Variants in THBD observed in about 807,000 individuals in gnomAD.
The protein encoded by THBD is thrombomodulin.
For synonymous variants in THBD, 449 were observed against 374.2 expected, an observed-to-expected ratio of 1.20 and a Z score of -2.31; for missense variants, 850 against 816.9, an observed-to-expected ratio of 1.04 and a Z score of -0.49.
chr20:23,047,970 A>G lies in THBD; in HGVS notation c.1535T>C (p.Leu512Pro). The G allele has an allele frequency of 6.2e-7, 1 of 1,609,480 alleles. No homozygotes were observed. Among genetic ancestry groups the G allele is most frequent in the South Asian group, 1.1e-5 (1 of 90,432 alleles). The change falls in exon 1 of 1, where the codon CTC (leucine) becomes CCC (proline). Residue 512 changes from leucine to proline, a missense_variant. Physicochemically the swap from Leu to Pro is moderately conservative, Grantham distance 98. Coordinates refer to ENST00000377103, the MANE Select transcript of THBD (RefSeq NM_000361.3). Reference sequence around the variant, plus strand: ...GCCTATGAGCAAGCCCGAATGCACGAGCCCCACGGCCGGAGGAGTCAAGGT... The same window carrying G: ...GCCTATGAGCAAGCCCGAATGCACGGGCCCCACGGCCGGAGGAGTCAAGGT... ...GSTLTPPAVG[L>P]VHSGLLIGIS...
rs1490901304 is a variant in THBD, at chr20:23,049,627, C to T, written c.-123G>A. ...CCTCTCCTGTCCGTCCCAGCCCAGA[C>T]ACTTCTTGCCGCTGCGCGCAGCCCC... On this transcript the variant is annotated 5_prime_UTR_variant, in exon 1 of 1. Coordinates refer to ENST00000377103, the MANE Select transcript of THBD (RefSeq NM_000361.3). 7.5e-7 allele frequency: 1 copy of T among 1,339,344 alleles called. No individual in the cohort carries two copies. The highest frequency in any genetic ancestry group is 1.3e-5 in the South Asian group (1 of 78,604). 83.0% of individuals were successfully genotyped at this position (1,339,344 alleles called of 1,614,324 possible).
chr20:23,045,957 G>A lies in THBD; in HGVS notation c.*1820C>T, dbSNP rs557474793. The A allele has an allele frequency of 1.3e-5, 2 of 152,270 alleles. No individual in the cohort carries two copies. The highest frequency in any genetic ancestry group is 1.9e-4 in the East Asian group (1 of 5,178). 9.4% of individuals were successfully genotyped at this position (152,270 alleles called of 1,614,324 possible). Reference sequence around the variant, plus strand: ...CCCCATTTAATGACATAAAATGAGGGCACTGAGGGAGGAAAAGTGAACAGA... The same window carrying A: ...CCCCATTTAATGACATAAAATGAGGACACTGAGGGAGGAAAAGTGAACAGA... On this transcript the variant is annotated 3_prime_UTR_variant, in exon 1 of 1. Coordinates refer to ENST00000377103, the MANE Select transcript of THBD (RefSeq NM_000361.3).
In THBD at chr20:23,049,481, G is replaced by C; in HGVS notation, c.24C>G (p.Gly8=). 2 of 1,541,268 alleles carry C rather than the reference G, an allele frequency of 1.3e-6. No homozygotes were observed. Among genetic ancestry groups the C allele is most frequent in the Non-Finnish European group, 1.7e-6 (2 of 1,144,046 alleles). MLGVLVL[G]ALALAGLGFP... is the part of the protein sequence containing the mutation. ...ACCCCAGGCCGGCCAGGGCCAGCGC[G>C]CCAAGGACCAGGACCCCAAGCATGT... The change falls in exon 1 of 1, where the codon GGC becomes GGG. Residue 8 remains glycine (G), a synonymous_variant. Transcript: ENST00000377103.
chr20:23,048,018 G>T lies in THBD; in HGVS notation c.1487C>A (p.Pro496Gln), dbSNP rs764845888. The T allele has an allele frequency of 1.9e-6, 3 of 1,609,648 alleles. No individual in the cohort carries two copies. Among genetic ancestry groups the T allele is most frequent in the East Asian group, 2.2e-5 (1 of 44,696 alleles). ...DGGDSGSGEP[P>Q]PSPTPGSTLT... ...GGTGGAGCCGGGCGTCGGGCTGGGC[G>T]GGGGCTCGCCAGAGCCGCTGTCGCC... Residue 496 changes from proline to glutamine, a missense_variant, in exon 1 of 1, where the codon CCG becomes CAG. Transcript: ENST00000377103.
At position 23,048,824 on chromosome 20, in the gene THBD, C is replaced by T. The variant is rs562719364; in HGVS notation, c.681G>A (p.Pro227=). The T allele has an allele frequency of 3.1e-5, 47 of 1,514,832 alleles. No homozygotes were observed. The highest frequency in any genetic ancestry group is 3.9e-5 in the Non-Finnish European group (44 of 1,136,154). The allele number at this position is 1,514,832 out of a possible 1,614,324, so 93.8% of individuals were successfully genotyped here. A position where few individuals can be genotyped will look rare whatever the true frequency, so the allele number is the denominator to read the frequency against. Residue 227 remains proline, a synonymous_variant, in exon 1 of 1, where the codon CCG becomes CCA. Coordinates refer to ENST00000377103, the MANE Select transcript of THBD (RefSeq NM_000361.3). ...PLGLQLMCTA[P]PGAVQGHWAR... is the part of the protein sequence containing the mutation. Reference sequence around the variant, plus strand: ...CCCAGTGCCCCTGGACCGCTCCGGGCGGCGCGGTGCACATTAGCTGTAAGC... The same window carrying T: ...CCCAGTGCCCCTGGACCGCTCCGGGTGGCGCGGTGCACATTAGCTGTAAGC...
chr20:23,049,306 C>G lies in THBD; in HGVS notation c.199G>C (p.Ala67Pro), dbSNP rs2122673043. 2 of 1,592,428 alleles carry G rather than the reference C, an allele frequency of 1.3e-6. No homozygotes were observed. Among genetic ancestry groups the G allele is most frequent in the Non-Finnish European group, 8.5e-7 (1 of 1,171,340 alleles). The change falls in exon 1 of 1, where the codon GCT becomes CCT. Residue 67 changes from alanine to proline, a missense_variant. Ala to Pro is a conservative substitution (Grantham distance 27, BLOSUM62 -1). Coordinates refer to ENST00000377103, the MANE Select transcript of THBD (RefSeq NM_000361.3). ...GHLMTVRSSVAADVISLLLNG... is the reference protein window; with the variant it reads ...GHLMTVRSSVPADVISLLLNG... ...AGTAGCAAGGAAATGACATCGGCAGCCACCGAGGAGCGCACTGTCATTAGG... is the reference window on the plus strand; with the variant it reads ...AGTAGCAAGGAAATGACATCGGCAGGCACCGAGGAGCGCACTGTCATTAGG...
At position 23,047,680 on chromosome 20, in the gene THBD, C is replaced by G. The variant is rs1984606182; in HGVS notation, c.*97G>C. The G allele has an allele frequency of 2.1e-6, 3 of 1,441,756 alleles. No homozygotes were observed. In the Admixed American group the frequency reaches 6.5e-5, roughly 31 times the overall value. 89.3% of individuals were successfully genotyped at this position (1,441,756 alleles called of 1,614,324 possible). A position where few individuals can be genotyped will look rare whatever the true frequency, so the allele number is the denominator to read the frequency against. ...GCTTGGGGGGTGCGGGGAGGGTCTTCTCCAGCTGTAATGCCAGCTAAGGTG... is the reference window on the plus strand; with the variant it reads ...GCTTGGGGGGTGCGGGGAGGGTCTTGTCCAGCTGTAATGCCAGCTAAGGTG... On this transcript the variant is annotated 3_prime_UTR_variant, in exon 1 of 1. Transcript: ENST00000377103.
rs756102720 is a variant in THBD, at chr20:23,047,913, G to T, written c.1592C>A (p.Ala531Glu). The T allele has an allele frequency of 3.1e-6, 5 of 1,609,540 alleles. No individual in the cohort carries two copies. The East Asian group carries it at 8.9e-5, about 29-fold the overall frequency. ...ISIASLCLVV[A>E]LLALLCHLRK... ...CAGGTGGCAGAGGAGCGCCAAAAGC[G>T]CCACCACCAGGCACAGGCTCGCGAT... The change falls in exon 1 of 1, where the codon GCG (alanine) becomes GAG (glutamate). Residue 531 changes from alanine to glutamate, a missense_variant. Physicochemically the swap from Ala to Glu is moderately radical, Grantham distance 107 (BLOSUM62 -1). Transcript: ENST00000377103.
Position 23,048,455 on chromosome 20 carries a change from G to C in THBD, c.1050C>G (p.His350Gln), listed in dbSNP as rs1321823412. 6.2e-7 allele frequency: 1 copy of C among 1,613,362 alleles called. No individual in the cohort carries two copies. Among genetic ancestry groups the C allele is most frequent in the Non-Finnish European group, 8.5e-7 (1 of 1,180,042 alleles). The change falls in exon 1 of 1, where the codon CAC becomes CAG. Residue 350 changes from histidine (H) to glutamine (Q), a missense_variant. By Grantham distance (24) the His-to-Gln change is conservative (BLOSUM62 0). Transcript: ENST00000377103. ...CVNTQGGFEC[H>Q]CYPNYDLVDG... ...CCACCAGGTCGTAGTTAGGGTAGCAGTGGCACTCGAAGCCACCCTGTGTGT... is the reference window on the plus strand; with the variant it reads ...CCACCAGGTCGTAGTTAGGGTAGCACTGGCACTCGAAGCCACCCTGTGTGT...
rs1169981839 is a variant in THBD, at chr20:23,047,706, C to T, written c.*71G>A. The T allele has an allele frequency of 7.9e-6, 12 of 1,510,600 alleles. No homozygotes were observed. The highest frequency in any genetic ancestry group is 7.1e-6 in the Non-Finnish European group (8 of 1,126,634). The allele number at this position is 1,510,600 out of a possible 1,614,324, so 93.6% of individuals were successfully genotyped here. A position where few individuals can be genotyped will look rare whatever the true frequency, so the allele number is the denominator to read the frequency against. On this transcript the variant is annotated 3_prime_UTR_variant, in exon 1 of 1. Coordinates refer to ENST00000377103, the MANE Select transcript of THBD (RefSeq NM_000361.3). ...TCCAGCTGTAATGCCAGCTAAGGTG[C>T]TTTGGTAGCAAAGCTGGGGGTGAGG...
rs879414468 is a variant in THBD at position 23,049,248 on chromosome 20, A to G, written c.257T>C (p.Leu86Pro). 1 of 1,545,382 alleles carries G rather than the reference A, an allele frequency of 6.5e-7. No homozygotes were observed. The highest frequency in any genetic ancestry group is 2.1e-5 in the Admixed American group (1 of 48,732). The change falls in exon 1 of 1, where the codon CTC becomes CCC. Residue 86 changes from leucine (L) to proline (P), a missense_variant. By Grantham distance (98) the Leu-to-Pro change is moderately conservative. Coordinates refer to ENST00000377103, the MANE Select transcript of THBD (RefSeq NM_000361.3). The part of the protein sequence containing the change: ...NGDGGVGRRR[L>P]WIGLQLPPGC... ...GGGTGGCAGCTGCAGGCCGATCCAG[A>G]GGCGCCGGCGGCCAACGCCGCCGTC...
chr20:23,048,094 C>T lies in THBD; in HGVS notation c.1411G>A (p.Ala471Thr), dbSNP rs752252782. The T allele has an allele frequency of 1.9e-6, 3 of 1,612,488 alleles. No individual in the cohort carries two copies. The highest frequency in any genetic ancestry group is 3.3e-5 in the Admixed American group (2 of 59,916). ...TCGGTGCCAATGTGGCGGGCAAGGG[C>T]CGAGTCGGGCCCGCAGATGCACTCG... The part of the protein sequence containing the change: ...TFECICGPDS[A>T]LARHIGTDCD... Residue 471 changes from alanine (A) to threonine (T), a missense_variant, in exon 1 of 1, where the codon GCC becomes ACC. Ala to Thr is a moderately conservative substitution (Grantham distance 58). Coordinates refer to ENST00000377103, the MANE Select transcript of THBD (RefSeq NM_000361.3).
rs1416658735 is a variant in THBD, at chr20:23,046,183, G to C, written c.*1594C>G. The C allele has an allele frequency of 1.3e-5, 2 of 152,596 alleles. No homozygotes were observed. Among genetic ancestry groups the C allele is most frequent in the African/African-American group, 2.4e-5 (1 of 41,452 alleles). 9.5% of individuals were successfully genotyped at this position (152,596 alleles called of 1,614,324 possible). A position where few individuals can be genotyped will look rare whatever the true frequency, so the allele number is the denominator to read the frequency against. Reference sequence around the variant, plus strand: ...ACATTTATTTCCATACACTGAAGCAGGATTTCATTCCTAGCTTAGCTGAAC... The same window carrying C: ...ACATTTATTTCCATACACTGAAGCACGATTTCATTCCTAGCTTAGCTGAAC... On this transcript the variant is annotated 3_prime_UTR_variant, in exon 1 of 1. Coordinates refer to ENST00000377103, the MANE Select transcript of THBD (RefSeq NM_000361.3).
rs867963340 is a variant in THBD, at chr20:23,049,020, G to T, written c.485C>A (p.Ala162Asp). 1 of 1,573,856 alleles carries T rather than the reference G, an allele frequency of 6.4e-7. No homozygotes were observed. Among genetic ancestry groups the T allele is most frequent in the Middle Eastern group, 1.7e-4 (1 of 5,998 alleles). The change falls in exon 1 of 1, where the codon GCC becomes GAC. Residue 162 changes from alanine to aspartate, a missense_variant. By Grantham distance (126) the Ala-to-Asp change is moderately radical. Coordinates refer to ENST00000377103, the MANE Select transcript of THBD (RefSeq NM_000361.3). ...IWEEQQCEVK[A>D]DGFLCEFHFP... The stretch of plus-strand genomic sequence containing the variant: ...GTGGAACTCGCAGAGGAAGCCATCG[G>T]CCTTCACTTCGCACTGCTGCTCCTC...
Position 23,048,010 on chromosome 20 carries a change from G to C in THBD, c.1495C>G (p.Pro499Ala). Residue 499 changes from proline to alanine, a missense_variant, in exon 1 of 1, where the codon CCG (proline) becomes GCG (alanine). Coordinates refer to ENST00000377103, the MANE Select transcript of THBD (RefSeq NM_000361.3). ...GGAGTCAAGGTGGAGCCGGGCGTCGGGCTGGGCGGGGGCTCGCCAGAGCCG... is the reference window on the plus strand; with the variant it reads ...GGAGTCAAGGTGGAGCCGGGCGTCGCGCTGGGCGGGGGCTCGCCAGAGCCG... Reference protein sequence around the residue: ...DSGSGEPPPSPTPGSTLTPPA... With the variant: ...DSGSGEPPPSATPGSTLTPPA... 1.9e-6 allele frequency: 3 copies of C among 1,609,230 alleles called. No individual in the cohort carries two copies. The highest frequency in any genetic ancestry group is 2.2e-5 in the South Asian group (2 of 90,508).
Position 23,048,536 on chromosome 20 carries a change from G to A in THBD, c.969C>T (p.Cys323=). ...CCAGTATGCAGTCATCCACGTCCTC[G>A]CACCGGTGTTGGTCGGCCGCCAGCC... is the stretch of plus-strand genomic sequence containing the variant. ...GYRLAADQHR[C]EDVDDCILEP... is the part of the protein sequence containing the mutation. Residue 323 remains cysteine, a synonymous_variant, in exon 1 of 1, where the codon TGC becomes TGT. Transcript: ENST00000377103. 1 of 1,601,836 alleles carries A rather than the reference G, an allele frequency of 6.2e-7. No individual in the cohort carries two copies. Among genetic ancestry groups the A allele is most frequent in the Non-Finnish European group, 8.5e-7 (1 of 1,179,832 alleles).
In THBD at chr20:23,047,994, G is replaced by T. The variant is rs148056985; in HGVS notation, c.1511C>A (p.Thr504Asn). The change falls in exon 1 of 1, where the codon ACC becomes AAC. Residue 504 changes from threonine to asparagine, a missense_variant. Physicochemically the swap from Thr to Asn is moderately conservative, Grantham distance 65 (BLOSUM62 0). Coordinates refer to ENST00000377103, the MANE Select transcript of THBD (RefSeq NM_000361.3). The stretch of plus-strand genomic sequence containing the variant: ...GAGCCCCACGGCCGGAGGAGTCAAG[G>T]TGGAGCCGGGCGTCGGGCTGGGCGG... ...EPPPSPTPGS[T>N]LTPPAVGLVH... 3.7e-6 allele frequency: 6 copies of T among 1,608,394 alleles called. No individual in the cohort carries two copies. In the African/African-American group the frequency reaches 8.0e-5, roughly 21 times the overall value.
Position 23,046,240 on chromosome 20 carries a change from C to G in THBD, c.*1537G>C, listed in dbSNP as rs1190721932. ...CCTTGCAGACCCTGTGTGGCAGTGT[C>G]TAGAGCTGTGTACCTAGCCTTTTCT... On this transcript the variant is annotated 3_prime_UTR_variant, in exon 1 of 1. Transcript: ENST00000377103. 1.3e-5 allele frequency: 2 copies of G among 152,572 alleles called. No individual in the cohort carries two copies. Among genetic ancestry groups the G allele is most frequent in the African/African-American group, 2.4e-5 (1 of 41,424 alleles). 9.5% of individuals were successfully genotyped at this position (152,572 alleles called of 1,614,324 possible).
rs1331451824 is a variant in THBD, at chr20:23,047,086, A to C, written c.*691T>G. 2 of 152,192 alleles carry C rather than the reference A, an allele frequency of 1.3e-5. No individual in the cohort carries two copies. The highest frequency in any genetic ancestry group is 2.9e-5 in the Non-Finnish European group (2 of 68,028). The allele number at this position is 152,192 out of a possible 1,614,324, so 9.4% of individuals were successfully genotyped here. On this transcript the variant is annotated 3_prime_UTR_variant, in exon 1 of 1. Transcript: ENST00000377103. ...GGTGAAAAAGCAAATGGCCATTTTT[A>C]TTTTTAGTGTTTTTGTTTCTGTTTC... is the stretch of plus-strand genomic sequence containing the variant.
Sources: allele counts gnomAD v4.1 joint callset, GRCh38; gene constraint gnomAD v4.1.1; transcripts MANE v1.5; gene names NCBI Gene and HGNC (gene_info 2026-07-23, HGNC 2026-07-21).